PATJ: variants seen among roughly 807,000 people sequenced by gnomAD.
PATJ encodes the protein inaD-like protein.
Under a neutral mutation model 224.9 loss-of-function variants are expected in PATJ, and 190 were observed. The observed-to-expected ratio is 0.84, with a 90% CI of 0.75 to 0.95. The LOEUF (loss-of-function observed/expected upper bound fraction) is 0.95, where lower values mean the gene tolerates loss of function less well. Among genes scored for constraint, PATJ ranks in the 40% least tolerant of loss-of-function variants. The pLI is 0.00. For missense variants in PATJ, 2,121 were observed against 2,270.3 expected, an observed-to-expected ratio of 0.93 and a Z score of 1.34; for synonymous variants, 769 against 820.3, an observed-to-expected ratio of 0.94 and a Z score of 1.07.
chr1:61,773,611 A>C (rs1646740856), intron 6 of PATJ, among the ~76,000 whole-genome samples: 1 of 151,032 alleles, frequency 6.6e-6, no homozygotes, highest in African/African-American at 2.4e-5. Context: ...ACATGGTGAA[A>C]CCCTGTCTCT....
intron 31 of PATJ, among the ~76,000 whole-genome samples, chr1:62,051,982 G>T (rs927988021): frequency 6.6e-6 from 1 of 152,206 alleles, no homozygotes; most frequent in Non-Finnish European, 1.5e-5. Flanking sequence ...CAGCCAGTAT[G>T]TGATAGGCTG....
chr1:61,833,715 C>T lies in PATJ; in HGVS notation c.2042C>T (p.Ser681Phe), dbSNP rs772373365. Residue 681 changes from serine to phenylalanine, a missense_variant, in exon 17 of 44, where the codon TCC becomes TTC. Coordinates refer to ENST00000642238, the MANE Select transcript of PATJ (RefSeq NM_001350145.3). ...GATGATGGGGAATTAGCACTGTGGT[C>T]CCCTGAAGTCAAGATTGTTGAACTA... is the stretch of plus-strand genomic sequence containing the variant. ...EDDDGELALW[S>F]PEVKIVELVK... 30 of 1,613,168 alleles carry T rather than the reference C, an allele frequency of 1.9e-5. No homozygotes were observed. Among genetic ancestry groups the T allele is most frequent in the South Asian group, 4.4e-5 (4 of 91,024 alleles).
At chr1:61,936,399 G>A (rs546364445) in intron 27 of PATJ, among the ~76,000 whole-genome samples, 1 of 128,236 alleles carries the variant, frequency 7.8e-6, no homozygotes, top group East Asian at 2.4e-4. Context: ...ACCTAGCAAT[G>A]CATTAAGCTC....
rs145519695 is a variant in PATJ at position 62,087,150 on chromosome 1, GAGA to G, written c.4377+2510_4377+2512del. 9.0e-3 allele frequency among the ~76,000 whole-genome samples: 1,375 copies of G among 152,136 alleles called. 15 individuals carry two copies. Among genetic ancestry groups the G allele is most frequent in the African/African-American group, 0.031 (1,301 of 41,462 alleles). Reference sequence around the variant, plus strand: ...TTGCACAGACACTTGAAGGATGGTGGAGAAGAAGAATTTTATTTAGCAACGGAA... The same window carrying G: ...TTGCACAGACACTTGAAGGATGGTGGAGAAGAATTTTATTTAGCAACGGAA... On this transcript the variant is annotated intron_variant, in intron 33 of 43. Coordinates refer to ENST00000642238, the MANE Select transcript of PATJ (RefSeq NM_001350145.3).
intron 37 of PATJ, among the ~76,000 whole-genome samples, chr1:62,119,574 A>T (rs1664823431): frequency 6.6e-6 from 1 of 152,212 alleles, no homozygotes. Context: ...TCCTTACTCC[A>T]CAGAGGAAAA....
intron 33 of PATJ, among the ~76,000 whole-genome samples, chr1:62,104,709 G>A (rs1170523808): frequency 6.6e-6 from 1 of 151,954 alleles, no homozygotes; most frequent in East Asian, 1.9e-4. Flanking sequence ...GTCTCATTCT[G>A]TCTTGCCCAG....
At chr1:62,070,006 G>A (rs1322355895) in intron 31 of PATJ, among the ~76,000 whole-genome samples, 2 of 152,158 alleles carry the variant, frequency 1.3e-5, no homozygotes, top group Non-Finnish European at 2.9e-5. Flanking sequence ...AAGTTCAAAT[G>A]ATAAGGAAGA....
Position 61,808,477 on chromosome 1 carries a change from G to T in PATJ, c.1630G>T (p.Ala544Ser), listed in dbSNP as rs767645543. 18 of 1,599,426 alleles carry T rather than the reference G, an allele frequency of 1.1e-5. No homozygotes were observed. The Middle Eastern group carries it at 1.7e-3, about 147-fold the overall frequency. ...LLGPDYEVMV[A>S]TLDTQIADDA... ...GAAATTTTTTTTGTAAATTTAGGTT[G>T]CTACTTTGGACACACAGATTGCAGA... Residue 544 changes from alanine to serine, a missense_variant, in exon 14 of 44, where the codon GCT becomes TCT. By Grantham distance (99) the Ala-to-Ser change is moderately conservative (BLOSUM62 1). Transcript: ENST00000642238.
At chr1:61,882,204 A>G (rs1350219588) in intron 21 of PATJ, among the ~76,000 whole-genome samples, 37 of 152,162 alleles carry the variant, frequency 2.4e-4, no homozygotes, top group Non-Finnish European at 1.5e-5. Flanking sequence ...AAAAAGAAAT[A>G]GAGAATGTTT....
At chr1:61,904,448 G>A (rs1671600160) in intron 24 of PATJ, among the ~76,000 whole-genome samples, 1 of 152,122 alleles carries the variant, frequency 6.6e-6, no homozygotes, top group Admixed American at 6.5e-5. Context: ...GATTTCACCA[G>A]TTATTCATGC....
intron 31 of PATJ, among the ~76,000 whole-genome samples, chr1:62,062,408 T>C: frequency 7.1e-6 from 1 of 141,598 alleles, no homozygotes. Context: ...TTTTTTTTTT[T>C]TTTTTTTTTT....
intron 30 of PATJ, among the ~76,000 whole-genome samples, chr1:62,049,900 C>T (rs1359828842): frequency 6.6e-6 from 1 of 152,106 alleles, no homozygotes; most frequent in Non-Finnish European, 1.5e-5. Context: ...AGGCAGATCA[C>T]TTGACGTCAG....
At chr1:61,984,351 G>A (rs1644626869) in intron 27 of PATJ, among the ~76,000 whole-genome samples, 1 of 151,262 alleles carries the variant, frequency 6.6e-6, no homozygotes, top group Non-Finnish European at 1.5e-5. Flanking sequence ...ATAGAGACAG[G>A]GTTTCACTAT....
intron 22 of PATJ, among the ~76,000 whole-genome samples, chr1:61,887,009 C>A: frequency 6.6e-6 from 1 of 150,558 alleles, no homozygotes. Context: ...ACTTAGATAA[C>A]TAGATGGTAT....
intron 1 of PATJ, among the ~76,000 whole-genome samples, chr1:61,749,676 C>G (rs1645216746): frequency 6.7e-6 from 1 of 150,114 alleles, no homozygotes; most frequent in African/African-American, 2.4e-5. Flanking sequence ...CTCACCGCAG[C>G]CTGGTGTTTT....
chr1:61,830,172 A>T (rs978456383), intron 16 of PATJ, among the ~76,000 whole-genome samples: 2 of 152,232 alleles, frequency 1.3e-5, no homozygotes, highest in African/African-American at 4.8e-5. Context: ...AAGTTTCAGG[A>T]TACGGTATCA....
At chr1:62,066,574 C>T (rs942666202) in intron 31 of PATJ, among the ~76,000 whole-genome samples, 2 of 152,058 alleles carry the variant, frequency 1.3e-5, no homozygotes, top group African/African-American at 2.4e-5. Context: ...AATGTGATTT[C>T]ACCTAATCCA....
chr1:62,032,913 T>C (rs1267760550), intron 29 of PATJ, among the ~76,000 whole-genome samples: 1 of 152,038 alleles, frequency 6.6e-6, no homozygotes, highest in East Asian at 1.9e-4. Flanking sequence ...GGAAGGAGAA[T>C]GAATGCATGA....
rs34127211 is a variant in PATJ at position 62,143,438 on chromosome 1, A to ATTTTTTTTTTTTTTTTTT, written c.5272-4833_5272-4816dup. ...TTGGATATCACAGACTAAGCTGGGAATTTTTTTTTTTTTTTTTTTTTTTTT... is the reference window on the plus strand; with the variant it reads ...TTGGATATCACAGACTAAGCTGGGAATTTTTTTTTTTTTTTTTTTTTTTTTTTTTTTTTTTTTTTTTTT... On this transcript the variant is annotated intron_variant, in intron 41 of 43. Coordinates refer to ENST00000642238, the MANE Select transcript of PATJ (RefSeq NM_001350145.3). Among the ~76,000 whole-genome samples, 15 of 74,324 alleles carry ATTTTTTTTTTTTTTTTTT rather than the reference A, an allele frequency of 2.0e-4. No individual in the cohort carries two copies. The East Asian group carries it at 6.3e-3, about 31-fold the overall frequency. The allele number at this position is 74,324 out of a possible 152,430, so 48.8% of individuals were successfully genotyped here.
Sources: allele counts gnomAD v4.1 joint callset (sites outside exome capture counted in the v4.1 genomes callset), GRCh38; gene constraint gnomAD v4.1.1; transcripts MANE v1.5; gene names NCBI Gene and HGNC (gene_info 2026-07-23, HGNC 2026-07-21).